Variants in SCAPER observed in about 807,000 individuals in gnomAD.
SCAPER encodes S phase cyclin A-associated protein in the endoplasmic reticulum.
SCAPER carries 98 observed loss-of-function variants against 182.2 expected under a neutral mutation model. That is an observed-to-expected ratio of 0.54 (90% CI 0.46 to 0.64). The LOEUF (loss-of-function observed/expected upper bound fraction) is 0.64, where lower values mean the gene tolerates loss of function less well. SCAPER is among the 30% of genes least tolerant of loss of function. The probability of loss-of-function intolerance (pLI) is 0.00; values close to 1 mark genes in which losing one functional copy is unlikely to be tolerated. For synonymous variants in SCAPER, 605 were observed against 564.6 expected (o/e 1.07, Z -1.01); for missense variants, 1,432 against 1,690.0 (o/e 0.85, Z 2.68).
rs2040318191 is a variant in SCAPER at position 76,348,522 on chromosome 15, TG to T, written c.*110del. 1 of 669,554 alleles carries T rather than the reference TG, an allele frequency of 1.5e-6. No homozygotes were observed. Among genetic ancestry groups the T allele is most frequent in the South Asian group, 2.2e-5 (1 of 45,960 alleles). The allele number at this position is 669,554 out of a possible 1,614,324, so 41.5% of individuals were successfully genotyped here. A position where few individuals can be genotyped will look rare whatever the true frequency, so the allele number is the denominator to read the frequency against. ...TAAAGTACATGCCATATCTACAGTG[TG>T]GGAAGAGTATAAACATGGGAAAATG... On this transcript the variant is annotated 3_prime_UTR_variant, in exon 32 of 32. Transcript: ENST00000563290.
intron 1 of SCAPER, among the ~76,000 whole-genome samples, chr15:76,888,351 G>T (rs2073971581): frequency 1.3e-5 from 2 of 152,312 alleles, no homozygotes; most frequent in South Asian, 4.1e-4. Flanking sequence ...GTAGGCTTCG[G>T]AAGGTCGGTA....
At chr15:76,513,254 A>G (rs568831203) in intron 23 of SCAPER, among the ~76,000 whole-genome samples, 111 of 152,362 alleles carry the variant, frequency 7.3e-4, no homozygotes, top group African/African-American at 2.6e-3. Flanking sequence ...TATTTCAGAC[A>G]GTAAAAATGT....
intron 20 of SCAPER, among the ~76,000 whole-genome samples, chr15:76,694,011 G>C (rs1362881870): frequency 6.6e-6 from 1 of 151,674 alleles, no homozygotes; most frequent in African/African-American, 2.4e-5. Context: ...ATTTTACTTT[G>C]AAATCAGGAA....
chr15:76,522,277 C>A (rs2042893725), intron 23 of SCAPER, among the ~76,000 whole-genome samples: 1 of 152,012 alleles, frequency 6.6e-6, no homozygotes, highest in South Asian at 2.1e-4. Context: ...AGAGCAAGTA[C>A]CCCAGTATAA....
chr15:76,649,768 A>G (rs1005155029), intron 21 of SCAPER, among the ~76,000 whole-genome samples: 1 of 151,994 alleles, frequency 6.6e-6, no homozygotes, highest in Non-Finnish European at 1.5e-5. Context: ...CTCTACATCC[A>G]TTAAAAATTT....
chr15:76,801,835 G>C (rs1350242754), intron 6 of SCAPER, among the ~76,000 whole-genome samples: 3 of 151,866 alleles, frequency 2.0e-5, no homozygotes, highest in African/African-American at 7.3e-5. Flanking sequence ...CTTAAAAGTG[G>C]AAGGTGGAGG....
At chr15:76,424,976 C>A (rs1323481453) in intron 26 of SCAPER, among the ~76,000 whole-genome samples, 1 of 152,190 alleles carries the variant, frequency 6.6e-6, no homozygotes, top group African/African-American at 2.4e-5. Flanking sequence ...AGAGTTTCTG[C>A]TGAGAGATCA....
At chr15:76,491,277 A>G (rs897261942) in intron 24 of SCAPER, among the ~76,000 whole-genome samples, 1 of 152,136 alleles carries the variant, frequency 6.6e-6, no homozygotes, top group African/African-American at 2.4e-5. Context: ...CATTCTCAAG[A>G]TTGCTGTTAC....
chr15:76,772,970 A>G (rs984843783), intron 9 of SCAPER, among the ~76,000 whole-genome samples: 2 of 151,932 alleles, frequency 1.3e-5, no homozygotes, highest in South Asian at 4.1e-4. Flanking sequence ...AAACTACTTT[A>G]AAAATTCTAC....
chr15:76,448,253 A>T (rs1324202771), intron 25 of SCAPER, among the ~76,000 whole-genome samples: 2 of 152,186 alleles, frequency 1.3e-5, no homozygotes, highest in African/African-American at 4.8e-5. Flanking sequence ...TGCTATGGGA[A>T]GGGTTACAAT....
At chr15:76,620,545 T>C (rs1056024339) in intron 22 of SCAPER, among the ~76,000 whole-genome samples, 1 of 152,176 alleles carries the variant, frequency 6.6e-6, no homozygotes, top group East Asian at 1.9e-4. Flanking sequence ...CAATAATAAA[T>C]AAAAGTAGTA....
intron 28 of SCAPER, among the ~76,000 whole-genome samples, chr15:76,377,377 C>G (rs187448496): frequency 5.8e-4 from 79 of 135,102 alleles, no homozygotes; most frequent in African/African-American, 1.9e-3. Context: ...AGCAGTGACA[C>G]CTTCTCAGCT....
At chr15:76,395,626 T>C (rs2043996615) in intron 27 of SCAPER, among the ~76,000 whole-genome samples, 1 of 152,248 alleles carries the variant, frequency 6.6e-6, no homozygotes, top group Non-Finnish European at 1.5e-5. Flanking sequence ...TTCATATGCC[T>C]GTTTGCCATT....
chr15:76,383,084 AGGT>A (rs2141956185), intron 27 of SCAPER, among the ~76,000 whole-genome samples: 1 of 52,866 alleles, frequency 1.9e-5, no homozygotes, highest in Admixed American at 2.8e-4. Flanking sequence ...GTGTGTGTAT[AGGT>A]GTGTGTGTGT....
chr15:76,648,211 C>T (rs731731), intron 21 of SCAPER, among the ~76,000 whole-genome samples: 10,083 of 148,328 alleles, frequency 0.068, 379 homozygotes, highest in Middle Eastern at 0.11. Flanking sequence ...CAAGAAATAT[C>T]GAGAAACTGA....
At chr15:76,816,454 T>C (rs1246676115) in intron 5 of SCAPER, among the ~76,000 whole-genome samples, 4 of 152,092 alleles carry the variant, frequency 2.6e-5, no homozygotes, top group Admixed American at 2.6e-4. Context: ...CCTCCACATA[T>C]TGTCCCACTG....
At chr15:76,562,410 T>G (rs2046711775) in intron 23 of SCAPER, among the ~76,000 whole-genome samples, 1 of 152,136 alleles carries the variant, frequency 6.6e-6, no homozygotes. Context: ...AACCTAGGAC[T>G]AGTGTCCAGA....
intron 21 of SCAPER, among the ~76,000 whole-genome samples, chr15:76,660,171 G>A (rs888085072): frequency 1.3e-5 from 2 of 152,228 alleles, no homozygotes; most frequent in East Asian, 3.9e-4. Flanking sequence ...GTTCTCATAA[G>A]TGGGAGTGAA....
At chr15:76,685,822 G>C (rs1018317408) in intron 20 of SCAPER, among the ~76,000 whole-genome samples, 1 of 152,054 alleles carries the variant, frequency 6.6e-6, no homozygotes, top group African/African-American at 2.4e-5. Context: ...AACGAGGATA[G>C]GGAATCCAGA....
Sources: allele counts gnomAD v4.1 joint callset (sites outside exome capture counted in the v4.1 genomes callset), GRCh38; gene constraint gnomAD v4.1.1; transcripts MANE v1.5; gene names NCBI Gene and HGNC (gene_info 2026-07-23, HGNC 2026-07-21).